IQGAP3: variants seen among roughly 807,000 people sequenced by gnomAD.
IQGAP3 encodes IQ motif containing GTPase activating protein 3, also known as ras GTPase-activating-like protein IQGAP3.
Under a neutral mutation model 208.2 loss-of-function variants are expected in IQGAP3, and 165 were observed. The ratio of observed to expected loss-of-function variants is 0.79; its 90% confidence interval spans 0.70 to 0.90. The LOEUF (loss-of-function observed/expected upper bound fraction) is 0.90, where lower values mean the gene tolerates loss of function less well. Ranked by LOEUF, IQGAP3 falls within the 40% of genes least tolerant of loss-of-function variation. The pLI is 0.00. For missense variants in IQGAP3, 1,811 were observed against 2,043.1 expected, an observed-to-expected ratio of 0.89 and a Z score of 2.19; for synonymous variants, 703 against 803.6, an observed-to-expected ratio of 0.87 and a Z score of 2.12.
chr1:156,527,490 A>G (rs1674153840), intron 37 of IQGAP3, among the ~76,000 whole-genome samples: 1 of 152,096 alleles, frequency 6.6e-6, no homozygotes, highest in South Asian at 2.1e-4. Context: ...GAAAACAAAC[A>G]AACAAAAACC....
intron 22 of IQGAP3, among the ~76,000 whole-genome samples, chr1:156,541,898 G>T (rs905579031): frequency 6.6e-6 from 1 of 152,218 alleles, no homozygotes; most frequent in Admixed American, 6.5e-5. Flanking sequence ...GCAAGGAGGA[G>T]GTGAGACACC....
At chr1:156,571,877 C>CTT (rs1056690748) in intron 1 of IQGAP3, among the ~76,000 whole-genome samples, 4 of 152,190 alleles carry the variant, frequency 2.6e-5, no homozygotes, top group African/African-American at 9.7e-5. Context: ...CAGTCTCTCT[C>CTT]TCTAAAACAG....
intron 26 of IQGAP3, among the ~76,000 whole-genome samples, chr1:156,537,860 T>C (rs1674769980): frequency 6.6e-6 from 1 of 151,954 alleles, no homozygotes; most frequent in Non-Finnish European, 1.5e-5. Flanking sequence ...TATACCCCTA[T>C]CAATAGGAGT....
chr1:156,528,537 C>G lies in IQGAP3; in HGVS notation c.4645G>C (p.Val1549Leu). 6.2e-7 allele frequency: 1 copy of G among 1,614,046 alleles called. No homozygotes were observed. The highest frequency in any genetic ancestry group is 2.2e-5 in the East Asian group (1 of 44,884). ...AAQLLEKGVL[V>L]EIEDLPASHF... is the part of the protein sequence containing the mutation. ...GAGGCGGGAAGATCTTCAATTTCCA[C>G]CAAGACACCCTTTTCCAGGAGCTGA... The change falls in exon 36 of 38, where the codon GTG becomes CTG. Residue 1549 changes from valine to leucine, a missense_variant. By Grantham distance (32) the Val-to-Leu change is conservative. Transcript: ENST00000361170.
At chr1:156,546,756 A>C (rs1213130569) in intron 19 of IQGAP3, among the ~76,000 whole-genome samples, 2 of 151,642 alleles carry the variant, frequency 1.3e-5, no homozygotes, top group Admixed American at 1.3e-4. Context: ...CAGGAGGCAA[A>C]CTCTACCTTC....
intron 15 of IQGAP3, among the ~76,000 whole-genome samples, chr1:156,551,229 G>A (rs1461134379): frequency 1.3e-5 from 2 of 152,140 alleles, no homozygotes; most frequent in South Asian, 2.1e-4. Flanking sequence ...CACGTGCAGG[G>A]TCAGGCCGCC....
intron 23 of IQGAP3, 92 bp downstream of exon 23, chr1:156,540,616 G>C: frequency 2.5e-6 from 3 of 1,194,520 alleles, no homozygotes; most frequent in Non-Finnish European, 3.6e-6. Flanking sequence ...ACAACATTTT[G>C]AAAAAAATTG....
At chr1:156,555,789 C>T (rs1245913497) in intron 12 of IQGAP3, among the ~76,000 whole-genome samples, 3 of 152,202 alleles carry the variant, frequency 2.0e-5, no homozygotes, top group Middle Eastern at 3.2e-3. Flanking sequence ...TTTGAACTCA[C>T]GCAGCCTGGC....
At chr1:156,551,574 A>C in intron 15 of IQGAP3, 131 bp downstream of exon 15, 1 of 954,960 alleles carries the variant, frequency 1.0e-6, no homozygotes, top group Non-Finnish European at 1.5e-6. Context: ...ACCAGATTGG[A>C]ACACCCCCCT....
chr1:156,539,198 T>C (rs1348624293), intron 25 of IQGAP3, 165 bp from the exon 26 acceptor site: 3 of 813,576 alleles, frequency 3.7e-6, no homozygotes, highest in Non-Finnish European at 6.0e-6. Context: ...TCAGCCCATA[T>C]CCTCCCACTG....
intron 32 of IQGAP3, 28 bp downstream of exon 32, chr1:156,532,952 T>G: frequency 6.2e-7 from 1 of 1,613,400 alleles, no homozygotes; most frequent in Non-Finnish European, 8.5e-7. Flanking sequence ...AGCTCAGGTA[T>G]GCAGGGGCAG....
chr1:156,532,243 C>T (rs973406542), intron 32 of IQGAP3, among the ~76,000 whole-genome samples: 2 of 151,896 alleles, frequency 1.3e-5, no homozygotes, highest in African/African-American at 2.4e-5. Context: ...AAAAATTGGC[C>T]GGACATGATG....
chr1:156,530,276 A>G lies in IQGAP3; in HGVS notation c.4233T>C (p.Cys1411=), dbSNP rs1227077690. ...HKQLMSRRQA[C]TAQTPEPLRR... ...GCAGTGGCTCCGGTGTCTGGGCTGTACAGGCCTGGCGTCGGCTCATCAGCT... is the reference window on the plus strand; with the variant it reads ...GCAGTGGCTCCGGTGTCTGGGCTGTGCAGGCCTGGCGTCGGCTCATCAGCT... The change falls in exon 34 of 38, where the codon TGT becomes TGC. Residue 1411 remains cysteine (C), a synonymous_variant. Transcript: ENST00000361170. The G allele has an allele frequency of 2.5e-6, 4 of 1,611,872 alleles. No homozygotes were observed. The highest frequency in any genetic ancestry group is 3.4e-6 in the Non-Finnish European group (4 of 1,179,986).
chr1:156,556,769 C>T, intron 11 of IQGAP3, 76 bp from the exon 12 acceptor site: 1 of 1,345,892 alleles, frequency 7.4e-7, no homozygotes, highest in South Asian at 1.7e-5. Context: ...CAACTAGGCT[C>T]CGCCGGGGGA....
intron 22 of IQGAP3, among the ~76,000 whole-genome samples, chr1:156,543,080 G>A (rs1171575): frequency 0.99 from 151,379 of 152,284 alleles, 75,243 homozygotes; most frequent in Middle Eastern, 1. Flanking sequence ...CTAGGGAAAA[G>A]CAAGTTCTTC....
At chr1:156,562,474 G>A in intron 9 of IQGAP3, 113 bp downstream of exon 9, 1 of 842,906 alleles carries the variant, frequency 1.2e-6, no homozygotes. Context: ...GCAAGAGTTG[G>A]CCCAAATGAG....
At chr1:156,527,066 C>T (rs955810388) in intron 37 of IQGAP3, among the ~76,000 whole-genome samples, 59 of 151,012 alleles carry the variant, frequency 3.9e-4, no homozygotes, top group African/African-American at 1.2e-3. Flanking sequence ...CTGCTGACCT[C>T]GTGATCCGCC....
chr1:156,566,376 T>C lies in IQGAP3; in HGVS notation c.282+14A>G, dbSNP rs750477793. 6.2e-7 allele frequency: 1 copy of C among 1,612,502 alleles called. No individual in the cohort carries two copies. On this transcript the variant is annotated intron_variant, in intron 3 of 37. Transcript: ENST00000361170. ...GAGGGGACGAAGGTAGAAGGTGGGG[T>C]CCAATCCTCCCACCTGGTACCGCAG...
rs770866104 is a variant in IQGAP3 at position 156,526,533 on chromosome 1, C to T, written c.4849G>A (p.Val1617Ile). The stretch of plus-strand genomic sequence containing the variant: ...TTGAGGAGGAAGATGAGAAGGTTGA[C>T]ATTGACTTTGGCCTTGTTGAAGAGT... ...MKLFNKAKVN[V>I]NLLIFLLNKK... The change falls in exon 38 of 38, where the codon GTC becomes ATC. Residue 1617 changes from valine to isoleucine, a missense_variant. Physicochemically the swap from Val to Ile is conservative, Grantham distance 29. Transcript: ENST00000361170. 26 of 1,614,076 alleles carry T rather than the reference C, an allele frequency of 1.6e-5. 1 individual carries two copies. In the South Asian group the frequency reaches 2.7e-4, roughly 17 times the overall value.
Sources: allele counts gnomAD v4.1 joint callset (sites outside exome capture counted in the v4.1 genomes callset), GRCh38; gene constraint gnomAD v4.1.1; transcripts MANE v1.5; gene names NCBI Gene and HGNC (gene_info 2026-07-23, HGNC 2026-07-21).